CEP112: variants seen among roughly 807,000 people sequenced by gnomAD.
The protein encoded by CEP112 is centrosomal protein 112, also known as centrosomal protein of 112 kDa.
In CEP112, 127 loss-of-function variants were observed where a neutral mutation model predicts 153.0. The ratio of observed to expected loss-of-function variants is 0.83; its 90% CI spans 0.72 to 0.96. The LOEUF (loss-of-function observed/expected upper bound fraction) is 0.96, where lower values mean the gene tolerates loss of function less well. Among genes scored for constraint, CEP112 ranks in the 40% least tolerant of loss-of-function variants. CEP112 has a pLI of 0.00. For synonymous variants in CEP112, 358 were observed against 374.4 expected (o/e 0.96, Z 0.51); for missense variants, 1,089 against 1,101.2 (o/e 0.99, Z 0.16).
intron 8 of CEP112, among the ~76,000 whole-genome samples, chr17:66,082,852 A>G (rs2067776050): frequency 6.6e-6 from 1 of 151,618 alleles, no homozygotes; most frequent in African/African-American, 2.4e-5. Context: ...AGATATTAAT[A>G]TTAATATTAA....
chr17:66,159,410 C>T (rs762782401), intron 4 of CEP112, among the ~76,000 whole-genome samples: 14 of 152,146 alleles, frequency 9.2e-5, no homozygotes, highest in African/African-American at 3.4e-4. Context: ...AAGAAAATTT[C>T]AGACCAATAT....
chr17:65,937,414 CGCCTCT>C (rs2061352105), intron 18 of CEP112, among the ~76,000 whole-genome samples: 2 of 111,678 alleles, frequency 1.8e-5, no homozygotes, highest in South Asian at 9.2e-4. Flanking sequence ...ATGTGGGGAG[CGCCTCT>C]GCCCCACCGC....
At chr17:65,843,654 C>T (rs183578925) in intron 21 of CEP112, among the ~76,000 whole-genome samples, 39 of 152,200 alleles carry the variant, frequency 2.6e-4, no homozygotes, top group Non-Finnish European at 3.5e-4. Context: ...AATTGTTGCT[C>T]AAAGCCTTTT....
intron 6 of CEP112, among the ~76,000 whole-genome samples, chr17:66,113,111 C>G (rs2069132316): frequency 6.7e-6 from 1 of 148,410 alleles, no homozygotes; most frequent in East Asian, 2.0e-4. Flanking sequence ...AATAAGTAGC[C>G]CAGTGCCATA....
At chr17:65,693,694 CT>C (rs1480359112) in intron 23 of CEP112, among the ~76,000 whole-genome samples, 1 of 152,146 alleles carries the variant, frequency 6.6e-6, no homozygotes, top group African/African-American at 2.4e-5. Context: ...GTTGAAGGTG[CT>C]GGCGGGACTT....
At chr17:65,699,667 C>T (rs141704736) in intron 23 of CEP112, among the ~76,000 whole-genome samples, 18 of 152,010 alleles carry the variant, frequency 1.2e-4, no homozygotes, top group Non-Finnish European at 1.6e-4. Context: ...TTGCCCAGGC[C>T]GGAGTGCAGT....
At chr17:65,884,612 T>C (rs1034864354) in intron 20 of CEP112, among the ~76,000 whole-genome samples, 2 of 152,136 alleles carry the variant, frequency 1.3e-5, no homozygotes, top group African/African-American at 2.4e-5. Context: ...CAGTCATCTA[T>C]AGGACTTTTC....
intron 20 of CEP112, among the ~76,000 whole-genome samples, chr17:65,862,327 G>A (rs191436516): frequency 6.6e-6 from 1 of 152,260 alleles, no homozygotes; most frequent in Non-Finnish European, 1.5e-5. Context: ...AGTGGCTCAC[G>A]CCTGTAATCC....
At chr17:65,866,598 CA>C (rs1322410091) in intron 20 of CEP112, among the ~76,000 whole-genome samples, 1 of 152,156 alleles carries the variant, frequency 6.6e-6, no homozygotes, top group African/African-American at 2.4e-5. Flanking sequence ...ATGGACCAAT[CA>C]CAGGCACTTC....
chr17:65,870,584 C>T (rs1427760682), intron 20 of CEP112, among the ~76,000 whole-genome samples: 1 of 152,102 alleles, frequency 6.6e-6, no homozygotes, highest in Non-Finnish European at 1.5e-5. Flanking sequence ...CTGAATGACA[C>T]TGAAACAAAA....
intron 21 of CEP112, among the ~76,000 whole-genome samples, chr17:65,791,234 G>A (rs2054574036): frequency 6.6e-6 from 1 of 152,144 alleles, no homozygotes; most frequent in African/African-American, 2.4e-5. Context: ...AAGCTTAAAT[G>A]TCTGTTAATG....
Position 65,965,967 on chromosome 17 carries a change from G to A in CEP112, c.1737-4369C>T, listed in dbSNP as rs117311771. ...CAGGCAAAGGTCTGCTCCTAGCACA[G>A]GAACAGCGCTCCTTTTTACCATGAT... On this transcript the variant is annotated intron_variant, in intron 17 of 26. Transcript: ENST00000535342. Among the ~76,000 whole-genome samples, 65 of 152,246 alleles carry A rather than the reference G, an allele frequency of 4.3e-4. No homozygotes were observed. The East Asian group carries it at 9.7e-3, about 23-fold the overall frequency.
intron 21 of CEP112, chr17:65,797,246 T>C (rs980218868): frequency 6.6e-6 from 1 of 152,254 alleles, no homozygotes; most frequent in Non-Finnish European, 1.5e-5. Flanking sequence ...TCTGGAGTCA[T>C]ACACTCACCA....
At chr17:66,026,533 T>C (rs1262659699) in intron 16 of CEP112, among the ~76,000 whole-genome samples, 1 of 152,204 alleles carries the variant, frequency 6.6e-6, no homozygotes, top group African/African-American at 2.4e-5. Context: ...TCCCATTGAT[T>C]GTGTAGTTTT....
At chr17:65,898,972 C>G (rs1394168588) in intron 20 of CEP112, among the ~76,000 whole-genome samples, 2 of 152,106 alleles carry the variant, frequency 1.3e-5, no homozygotes, top group Non-Finnish European at 2.9e-5. Flanking sequence ...ATCAAGGAAC[C>G]TATGTTCTAT....
intron 16 of CEP112, among the ~76,000 whole-genome samples, chr17:66,026,388 A>C (rs2065212858): frequency 6.6e-6 from 1 of 152,206 alleles, no homozygotes; most frequent in South Asian, 2.1e-4. Context: ...TGTCAGTTGA[A>C]ATAGTACTAT....
At chr17:65,899,068 T>C (rs984271932) in intron 20 of CEP112, among the ~76,000 whole-genome samples, 1 of 152,220 alleles carries the variant, frequency 6.6e-6, no homozygotes, top group African/African-American at 2.4e-5. Context: ...CATGTAGAAC[T>C]TCCATGTCAG....
chr17:65,953,708 T>C (rs1431925983), intron 18 of CEP112, among the ~76,000 whole-genome samples: 1 of 152,036 alleles, frequency 6.6e-6, no homozygotes, highest in African/African-American at 2.4e-5. Flanking sequence ...CCTGGTGACC[T>C]GTATGGCTCA....
intron 24 of CEP112, among the ~76,000 whole-genome samples, chr17:65,645,110 T>C (rs998071240): frequency 1.3e-5 from 2 of 151,674 alleles, no homozygotes; most frequent in African/African-American, 4.8e-5. Context: ...TATTTTATTA[T>C]ATATATATAC....
Sources: gnomAD v4.1 joint callset for allele counts (sites outside exome capture counted in the v4.1 genomes callset) on GRCh38, gnomAD v4.1.1 for gene constraint, MANE v1.5 for transcripts, NCBI Gene and HGNC (gene_info 2026-07-23, HGNC 2026-07-21) for gene names.